Variants in CERK observed in about 807,000 individuals in gnomAD.
The protein encoded by CERK is acylsphingosine kinase.
A neutral mutation model predicts 63.4 loss-of-function variants in CERK; 39 were observed. The ratio of observed to expected loss-of-function variants is 0.61; its 90% CI spans 0.48 to 0.80. CERK has a LOEUF of 0.80. Among genes scored for constraint, CERK ranks in the 30% least tolerant of loss-of-function variants. The pLI, the probability that CERK is intolerant of heterozygous loss-of-function variation, is 0.00. For synonymous variants in CERK, 302 were observed against 280.0 expected (o/e 1.08, Z -0.78); for missense variants, 670 against 714.1 (o/e 0.94, Z 0.70).
rs2082821741 is a variant in CERK, at chr22:46,707,937, C to A, written c.621G>T (p.Leu207=). 1 of 1,613,896 alleles carries A rather than the reference C, an allele frequency of 6.2e-7. No homozygotes were observed. The highest frequency in any genetic ancestry group is 8.5e-7 in the Non-Finnish European group (1 of 1,179,990). ...DGMFSEVLHG[L]IGRTQRSAGV... ...CGGCGCTCCTCTGCGTCCTCCCAATCAGACCGTGCAGCACCTCGCTGAACA... is the reference window on the plus strand; with the variant it reads ...CGGCGCTCCTCTGCGTCCTCCCAATAAGACCGTGCAGCACCTCGCTGAACA... The change falls in exon 6 of 13, where the codon CTG becomes CTT. Residue 207 remains leucine (L), a synonymous_variant. Coordinates refer to ENST00000216264, the MANE Select transcript of CERK (RefSeq NM_022766.6).
At chr22:46,736,602 T>C (rs1043519973) in intron 1 of CERK, among the ~76,000 whole-genome samples, 2 of 152,226 alleles carry the variant, frequency 1.3e-5, no homozygotes, top group African/African-American at 2.4e-5. Flanking sequence ...GTTCTCCTTG[T>C]GTGTGGGCCC....
intron 6 of CERK, among the ~76,000 whole-genome samples, chr22:46,704,439 C>G (rs1352540518): frequency 6.6e-6 from 1 of 152,158 alleles, no homozygotes; most frequent in South Asian, 2.1e-4. Context: ...GCACCACATA[C>G]AAAGTTAAAA....
chr22:46,737,953 C>G (rs2082983774), intron 1 of CERK, 54 bp downstream of exon 1: 1 of 1,131,116 alleles, frequency 8.8e-7, no homozygotes, highest in Non-Finnish European at 1.1e-6. Context: ...GTCCCCCAAG[C>G]CGCCCCCGCT....
At position 46,736,488 on chromosome 22, in the gene CERK, C is replaced by T. The variant is rs562138728; in HGVS notation, c.142+1519G>A. Among the ~76,000 whole-genome samples the T allele has an allele frequency of 1.5e-3, 234 of 152,344 alleles. 1 individual carries two copies. The highest frequency in any genetic ancestry group is 2.0e-3 in the Non-Finnish European group (133 of 68,028). ...TCTCAGGAACCCATCCGGTTTGAAG[C>T]CCAGTGGCCCGCACTTAGGAAGTGC... On this transcript the variant is annotated intron_variant, in intron 1 of 12. Coordinates refer to ENST00000216264, the MANE Select transcript of CERK (RefSeq NM_022766.6).
At chr22:46,689,007 T>G (rs1203300199) in intron 12 of CERK, among the ~76,000 whole-genome samples, 1 of 152,272 alleles carries the variant, frequency 6.6e-6, no homozygotes, top group African/African-American at 2.4e-5. Flanking sequence ...TCTGGTTATG[T>G]GATACATCAC....
chr22:46,697,490 G>A (rs1601711825), intron 8 of CERK, among the ~76,000 whole-genome samples: 1 of 151,420 alleles, frequency 6.6e-6, no homozygotes, highest in East Asian at 1.9e-4. Context: ...TCCCTATGTC[G>A]CCCAGGCTGA....
chr22:46,706,287 T>C (rs135692), intron 6 of CERK, among the ~76,000 whole-genome samples: 41,481 of 152,150 alleles, frequency 0.27, 5,786 homozygotes, highest in Middle Eastern at 0.48. Flanking sequence ...CCGAGCCGTC[T>C]GCTCCCGGCC....
At chr22:46,693,952 G>A (rs1002207528) in intron 9 of CERK, 9 of 174,030 alleles carry the variant, frequency 5.2e-5, no homozygotes, top group South Asian at 1.3e-4. Flanking sequence ...TTAGTCATTC[G>A]TCTAGCACGT....
At chr22:46,691,010 T>TACACATATATGTATATATACACATAC (rs2082728003) in intron 11 of CERK, among the ~76,000 whole-genome samples, 1 of 150,928 alleles carries the variant, frequency 6.6e-6, no homozygotes, top group African/African-American at 2.5e-5. Flanking sequence ...TGTATGTATA[T>TACACATATATGTATATATACACATAC]ACACATATAT....
chr22:46,705,771 G>A (rs2082809958), intron 6 of CERK, among the ~76,000 whole-genome samples: 1 of 152,176 alleles, frequency 6.6e-6, no homozygotes, highest in African/African-American at 2.4e-5. Flanking sequence ...GGTGGTGCAC[G>A]CCTGTAATCC....
At chr22:46,721,102 T>A in intron 1 of CERK, 87 bp from the exon 2 acceptor site, 2 of 857,534 alleles carry the variant, frequency 2.3e-6, no homozygotes, top group Admixed American at 3.5e-5. Flanking sequence ...CTGAGAATAT[T>A]CTGCTTTAAT....
intron 6 of CERK, among the ~76,000 whole-genome samples, chr22:46,702,672 AG>A (rs2082793218): frequency 1.3e-5 from 2 of 152,270 alleles, no homozygotes; most frequent in Middle Eastern, 3.2e-3. Context: ...CAGCCAGGAC[AG>A]GCAGCTCAGG....
chr22:46,726,481 C>T (rs941924796), intron 1 of CERK, among the ~76,000 whole-genome samples: 4 of 152,172 alleles, frequency 2.6e-5, no homozygotes, highest in Admixed American at 1.3e-4. Flanking sequence ...ACATGCCCGG[C>T]CCGCTTAGAG....
intron 10 of CERK, among the ~76,000 whole-genome samples, chr22:46,692,255 A>G (rs135672): frequency 1 from 151,422 of 151,516 alleles, 75,665 homozygotes; most frequent in Middle Eastern, 1. Context: ...GGTGAAAACC[A>G]TCTCTACTAA....
chr22:46,693,377 G>C, intron 10 of CERK, 50 bp downstream of exon 10: 2 of 1,498,560 alleles, frequency 1.3e-6, no homozygotes, highest in South Asian at 1.1e-5. Context: ...ACAGAAACCC[G>C]CACTCCAGCA....
rs750566081 is a variant in CERK, at chr22:46,720,925, A to G, written c.233T>C (p.Met78Thr). ...KHQGSGKWQK[M>T]EKPYAFTVHC... The stretch of plus-strand genomic sequence containing the variant: ...ACCTGTAAAAGCGTAAGGCTTTTCC[A>G]TTTTCTGCCATTTTCCACTGCCTTG... The change falls in exon 2 of 13, where the codon ATG becomes ACG. Residue 78 changes from methionine (M) to threonine (T), a missense_variant. Transcript: ENST00000216264. 1.2e-6 allele frequency: 2 copies of G among 1,611,810 alleles called. No homozygotes were observed. Among genetic ancestry groups the G allele is most frequent in the African/African-American group, 2.7e-5 (2 of 74,950 alleles).
At chr22:46,718,991 C>T (rs1339515134) in intron 3 of CERK, among the ~76,000 whole-genome samples, 2 of 151,616 alleles carry the variant, frequency 1.3e-5, no homozygotes, top group Non-Finnish European at 2.9e-5. Context: ...TCACTTGAGC[C>T]CGGAAGGTAG....
intron 8 of CERK, among the ~76,000 whole-genome samples, chr22:46,696,526 T>C (rs139708230): frequency 6.6e-6 from 1 of 152,164 alleles, no homozygotes; most frequent in Middle Eastern, 3.2e-3. Context: ...CACCGACATC[T>C]GATGTCCCGG....
chr22:46,737,841 G>A (rs2082982916), intron 1 of CERK, among the ~76,000 whole-genome samples, 166 bp downstream of exon 1: 1 of 151,986 alleles, frequency 6.6e-6, no homozygotes, highest in Non-Finnish European at 1.5e-5. Context: ...CCTGGCCCCG[G>A]CCTCCCTCCC....
Sources: gnomAD v4.1 joint callset for allele counts (sites outside exome capture counted in the v4.1 genomes callset) on GRCh38, gnomAD v4.1.1 for gene constraint, MANE v1.5 for transcripts, NCBI Gene and HGNC (gene_info 2026-07-23, HGNC 2026-07-21) for gene names.